Variants in ADAMTSL1 observed in about 807,000 individuals in gnomAD.
The protein encoded by ADAMTSL1 is ADAMTS-like protein 1.
A neutral mutation model predicts 201.8 loss-of-function variants in ADAMTSL1; 126 were observed. The ratio of observed to expected loss-of-function variants is 0.62; its 90% CI spans 0.54 to 0.72. ADAMTSL1 has a LOEUF of 0.72. Among genes scored for constraint, ADAMTSL1 ranks in the 30% least tolerant of loss-of-function variants. The pLI is 0.00. For synonymous variants in ADAMTSL1, 1,121 were observed against 903.4 expected (o/e 1.24, Z -4.32); for missense variants, 2,679 against 2,277.8 (o/e 1.18, Z -3.59).
intron 1 of ADAMTSL1, among the ~76,000 whole-genome samples, chr9:18,126,006 A>G (rs1360230264): frequency 6.6e-6 from 1 of 152,182 alleles, no homozygotes; most frequent in East Asian, 1.9e-4. Context: ...TCATGCCAGT[A>G]GGAACCCTGC....
At chr9:18,672,977 G>A (rs1829918544) in intron 9 of ADAMTSL1, among the ~76,000 whole-genome samples, 1 of 152,170 alleles carries the variant, frequency 6.6e-6, no homozygotes, top group African/African-American at 2.4e-5. Flanking sequence ...TAAGAACTGT[G>A]TGCCTGGTGG....
At chr9:18,365,804 A>C (rs1836742336) in intron 2 of ADAMTSL1, among the ~76,000 whole-genome samples, 1 of 152,204 alleles carries the variant, frequency 6.6e-6, no homozygotes, top group African/African-American at 2.4e-5. Flanking sequence ...GGAGGGGAGC[A>C]GCTGGGGAGC....
intron 2 of ADAMTSL1, among the ~76,000 whole-genome samples, chr9:18,255,852 G>A (rs2132511973): frequency 6.6e-6 from 1 of 152,250 alleles, no homozygotes; most frequent in Non-Finnish European, 1.5e-5. Flanking sequence ...CTCTTTGTCA[G>A]AAGACTCAGG....
chr9:18,590,474 T>A lies in ADAMTSL1; in HGVS notation c.474+16208T>A, dbSNP rs1823836905. ...TCTTTTCAAAAACTCAACTTTTCGT[T>A]TTGTTGACCTTTTGTATTAGTTTTT... On this transcript the variant is annotated intron_variant, in intron 4 of 28. Transcript: ENST00000380548. 2.6e-5 allele frequency among the ~76,000 whole-genome samples: 3 copies of A among 114,640 alleles called. No homozygotes were observed. The South Asian group carries it at 6.7e-4, about 26-fold the overall frequency. 75.2% of individuals were successfully genotyped at this position (114,640 alleles called of 152,430 possible).
intron 2 of ADAMTSL1, among the ~76,000 whole-genome samples, chr9:18,252,422 A>G (rs2132495701): frequency 6.6e-6 from 1 of 152,312 alleles, no homozygotes; most frequent in South Asian, 2.1e-4. Flanking sequence ...GGATACCAAA[A>G]TCCTTGAATG....
intron 2 of ADAMTSL1, among the ~76,000 whole-genome samples, chr9:18,287,322 T>TAC (rs112789682): frequency 2.0e-5 from 3 of 151,824 alleles, no homozygotes; most frequent in Admixed American, 6.6e-5. Flanking sequence ...TATGTATGTA[T>TAC]ACACACACAC....
At chr9:18,630,323 T>C (rs1414528478) in intron 5 of ADAMTSL1, among the ~76,000 whole-genome samples, 2 of 152,196 alleles carry the variant, frequency 1.3e-5, no homozygotes, top group African/African-American at 4.8e-5. Context: ...CACCGTGTAC[T>C]CTTCTCTATA....
intron 2 of ADAMTSL1, among the ~76,000 whole-genome samples, chr9:18,262,042 T>A (rs1831944104): frequency 6.6e-6 from 1 of 152,170 alleles, no homozygotes; most frequent in Non-Finnish European, 1.5e-5. Context: ...ATGCCGGGAC[T>A]TGTATAAAAT....
chr9:18,779,461 C>T (rs1035892346), intron 19 of ADAMTSL1, among the ~76,000 whole-genome samples: 6 of 152,138 alleles, frequency 3.9e-5, no homozygotes, highest in Non-Finnish European at 7.3e-5. Context: ...CCCTCAAGAT[C>T]GTAGGAACTA....
intron 2 of ADAMTSL1, among the ~76,000 whole-genome samples, chr9:18,224,957 A>G (rs373127367): frequency 6.6e-6 from 1 of 152,110 alleles, no homozygotes; most frequent in African/African-American, 2.4e-5. Flanking sequence ...ATACCTCATT[A>G]TCAGCATCTT....
At chr9:17,945,975 TA>T (rs1052037936) in intron 1 of ADAMTSL1, among the ~76,000 whole-genome samples, 8 of 151,028 alleles carry the variant, frequency 5.3e-5, no homozygotes, top group Admixed American at 4.0e-4. Flanking sequence ...ATAATAATAA[TA>T]AAAAAAAGAA....
chr9:17,971,106 G>T (rs958823638), intron 1 of ADAMTSL1, among the ~76,000 whole-genome samples: 19 of 151,982 alleles, frequency 1.3e-4, no homozygotes, highest in African/African-American at 4.3e-4. Context: ...TCTGAAAGGT[G>T]GCCTTAATGC....
chr9:18,853,313 C>T (rs888344651), intron 23 of ADAMTSL1, among the ~76,000 whole-genome samples: 7 of 152,128 alleles, frequency 4.6e-5, no homozygotes, highest in African/African-American at 1.4e-4. Flanking sequence ...GGGATACCAG[C>T]GTTTTAGTAC....
intron 1 of ADAMTSL1, among the ~76,000 whole-genome samples, chr9:17,941,907 A>G (rs1256358546): frequency 6.6e-6 from 1 of 152,014 alleles, no homozygotes; most frequent in East Asian, 1.9e-4. Flanking sequence ...CATGTGGTAG[A>G]ATGGGTGAGG....
chr9:18,674,662 T>C (rs1415746353), intron 9 of ADAMTSL1, among the ~76,000 whole-genome samples: 2 of 152,044 alleles, frequency 1.3e-5, no homozygotes, highest in Admixed American at 1.3e-4. Context: ...AAGATCAACA[T>C]ATTTATATTG....
At chr9:18,370,854 C>A (rs571750545) in intron 2 of ADAMTSL1, among the ~76,000 whole-genome samples, 1 of 152,032 alleles carries the variant, frequency 6.6e-6, no homozygotes, top group South Asian at 2.1e-4. Context: ...TACATAATCC[C>A]AGGTGTTCAT....
chr9:18,773,078 G>A (rs756620915), intron 17 of ADAMTSL1, among the ~76,000 whole-genome samples: 55 of 152,252 alleles, frequency 3.6e-4, no homozygotes, highest in East Asian at 3.9e-4. Context: ...TCCCCTGGCC[G>A]TCTGGCTGAG....
intron 1 of ADAMTSL1, among the ~76,000 whole-genome samples, chr9:17,944,029 G>T (rs1827351419): frequency 6.6e-6 from 1 of 151,720 alleles, no homozygotes; most frequent in African/African-American, 2.4e-5. Flanking sequence ...CAAGCCATGA[G>T]CAATCCACCC....
At chr9:18,114,421 G>C (rs1261933002) in intron 1 of ADAMTSL1, among the ~76,000 whole-genome samples, 1 of 152,142 alleles carries the variant, frequency 6.6e-6, no homozygotes, top group Non-Finnish European at 1.5e-5. Context: ...CAAACTTTCT[G>C]AAGGCTGTAG....
Sources: gnomAD v4.1 joint callset for allele counts (sites outside exome capture counted in the v4.1 genomes callset) on GRCh38, gnomAD v4.1.1 for gene constraint, MANE v1.5 for transcripts, NCBI Gene and HGNC (gene_info 2026-07-23, HGNC 2026-07-21) for gene names.